The following KMT2E variants were observed in gnomAD, a reference collection of about 807,000 sequenced individuals.
KMT2E encodes the protein lysine methyltransferase 2E (inactive), also known as histone reader KMT2E.
A neutral mutation model predicts 184.6 loss-of-function variants in KMT2E; 30 were observed. The ratio of observed to expected loss-of-function variants is 0.16; its 90% CI spans 0.12 to 0.22. KMT2E has a LOEUF of 0.22. Ranked by LOEUF, KMT2E falls within the 10% of genes least tolerant of loss-of-function variation. The pLI is 1.00. For missense variants in KMT2E, 2,023 were observed against 2,237.4 expected, an observed-to-expected ratio of 0.90 and a Z score of 1.93; for synonymous variants, 815 against 776.5, an observed-to-expected ratio of 1.05 and a Z score of -0.82.
At position 105,112,497 on chromosome 7, in the gene KMT2E, G is replaced by C; in HGVS notation, c.4741G>C (p.Val1581Leu). ...QLKGSLSQQT[V>L]FTSGPNQALP... ...CAAAGGTAGTCTTTCTCAACAAACT[G>C]TGTTTACATCAGGACCAAATCAAGC... Residue 1581 changes from valine (V) to leucine (L), a missense_variant, in exon 27 of 27, where the codon GTG (valine) becomes CTG (leucine). Around this residue, in one of 8 missense-constraint regions of KMT2E, gnomAD observed 1,108 missense variants for 1,050.9 expected, o/e 1.05. Transcript: ENST00000311117. 6.2e-7 allele frequency: 1 copy of C among 1,614,000 alleles called. No homozygotes were observed. Among genetic ancestry groups the C allele is most frequent in the Non-Finnish European group, 8.5e-7 (1 of 1,180,016 alleles).
intron 15 of KMT2E, among the ~76,000 whole-genome samples, chr7:105,091,821 A>G (rs1222702885): frequency 6.6e-6 from 1 of 152,096 alleles, no homozygotes; most frequent in Admixed American, 6.5e-5. Flanking sequence ...TATTCCTTGT[A>G]CTATTTACAA....
chr7:105,027,733 G>A (rs1273150141), intron 1 of KMT2E, among the ~76,000 whole-genome samples: 4 of 151,956 alleles, frequency 2.6e-5, no homozygotes, highest in Admixed American at 6.6e-5. Flanking sequence ...TTGGGATATC[G>A]TAAGTCTTGG....
At chr7:105,052,158 G>A (rs75176850) in intron 3 of KMT2E, among the ~76,000 whole-genome samples, 12 of 151,986 alleles carry the variant, frequency 7.9e-5, no homozygotes, top group Admixed American at 2.6e-4. Flanking sequence ...CCCTAATCTC[G>A]TCTCACTATT....
chr7:105,025,994 A>G (rs1795161851), intron 1 of KMT2E, among the ~76,000 whole-genome samples: 1 of 152,204 alleles, frequency 6.6e-6, no homozygotes, highest in South Asian at 2.1e-4. Context: ...TTATGTAGGA[A>G]CAAGAAACCA....
rs1257282735 is a variant in KMT2E, at chr7:105,114,925, TTGTC to T, written c.*1595_*1598del. 6.6e-6 allele frequency among the ~76,000 whole-genome samples: 1 copy of T among 152,218 alleles called. No homozygotes were observed. Among genetic ancestry groups the T allele is most frequent in the Non-Finnish European group, 1.5e-5 (1 of 68,028 alleles). ...TTTATGGTATTTAGTAAAGAAACATTTGTCTGAGAAGAAATGGTTTTACATCATC... is the reference window on the plus strand; with the variant it reads ...TTTATGGTATTTAGTAAAGAAACATTTGAGAAGAAATGGTTTTACATCATC... On this transcript the variant is annotated 3_prime_UTR_variant, in exon 27 of 27. Transcript: ENST00000311117.
intron 26 of KMT2E, 30 bp from the exon 27 acceptor site, chr7:105,111,795 G>T: frequency 6.4e-7 from 1 of 1,572,280 alleles, no homozygotes; most frequent in South Asian, 1.2e-5. Context: ...AATGTTCCTT[G>T]AATGTATATA....
rs1797067315 is a variant in KMT2E at position 105,067,192 on chromosome 7, CTA to C, written c.497+386_497+387del. Among the ~76,000 whole-genome samples, 4 of 151,332 alleles carry C rather than the reference CTA, an allele frequency of 2.6e-5. No homozygotes were observed. The South Asian group carries it at 8.3e-4, about 31-fold the overall frequency. On this transcript the variant is annotated intron_variant, in intron 6 of 26. Transcript: ENST00000311117. ...CTATTATTTTTGTATTCTGACAACTCTAAAATCAGGAAAATATCTATCAATAG... is the reference window on the plus strand; with the variant it reads ...CTATTATTTTTGTATTCTGACAACTCAAATCAGGAAAATATCTATCAATAG...
At chr7:105,072,901 C>T (rs931374611) in intron 6 of KMT2E, among the ~76,000 whole-genome samples, 7 of 150,574 alleles carry the variant, frequency 4.6e-5, no homozygotes, top group Admixed American at 2.6e-4. Context: ...GCAATAAGAG[C>T]GAAACTCCAT....
chr7:105,014,787 T>A (rs1370259865), intron 1 of KMT2E, among the ~76,000 whole-genome samples: 1 of 151,916 alleles, frequency 6.6e-6, no homozygotes, highest in Non-Finnish European at 1.5e-5. Flanking sequence ...TAAACCCCCT[T>A]GAGAGTGGGG....
At chr7:105,109,912 C>T (rs888903450) in intron 23 of KMT2E, among the ~76,000 whole-genome samples, 1 of 149,396 alleles carries the variant, frequency 6.7e-6, no homozygotes, top group East Asian at 1.9e-4. Context: ...GGCGCAATCT[C>T]GGCTCACTGC....
chr7:105,026,946 T>G (rs571938730), intron 1 of KMT2E, among the ~76,000 whole-genome samples: 1 of 152,338 alleles, frequency 6.6e-6, no homozygotes, highest in Non-Finnish European at 1.5e-5. Context: ...GCAATTCTAG[T>G]TCAATCCCCA....
intron 3 of KMT2E, among the ~76,000 whole-genome samples, chr7:105,058,990 C>T (rs1208798287): frequency 1.3e-5 from 2 of 152,122 alleles, no homozygotes; most frequent in African/African-American, 2.4e-5. Flanking sequence ...TCTTCACTCT[C>T]TAACTGAAGA....
chr7:105,052,680 T>C (rs760840510), intron 3 of KMT2E, among the ~76,000 whole-genome samples: 5 of 152,166 alleles, frequency 3.3e-5, no homozygotes, highest in South Asian at 2.1e-4. Context: ...TGCCTCAGCC[T>C]CCCAAGTAAA....
rs1334974990 is a variant in KMT2E at position 105,066,781 on chromosome 7, A to G, written c.471A>G (p.Thr157=). ...TTGATAGGCAGCATATTCCTGATAC[A>G]TATCTATGTGAACGTTGTCAGCCTA... ...MGIDRQHIPD[T]YLCERCQPRN... Residue 157 remains threonine (T), a synonymous_variant, in exon 6 of 27, where the codon ACA becomes ACG. Coordinates refer to ENST00000311117, the MANE Select transcript of KMT2E (RefSeq NM_182931.3). 6 of 1,612,516 alleles carry G rather than the reference A, an allele frequency of 3.7e-6. No individual in the cohort carries two copies. The African/African-American group carries it at 5.3e-5, about 14-fold the overall frequency.
At chr7:105,045,115 C>T (rs930972700) in intron 3 of KMT2E, among the ~76,000 whole-genome samples, 1 of 152,126 alleles carries the variant, frequency 6.6e-6, no homozygotes, top group African/African-American at 2.4e-5. Context: ...TTATGGTGTT[C>T]TTCCTTTTAT....
chr7:105,035,172 C>T (rs1334213430), intron 1 of KMT2E, among the ~76,000 whole-genome samples: 3 of 151,506 alleles, frequency 2.0e-5, no homozygotes, highest in African/African-American at 7.3e-5. Flanking sequence ...CTACAGGCGC[C>T]CACCACCAAG....
At chr7:105,087,955 T>G (rs1275233077) in intron 13 of KMT2E, among the ~76,000 whole-genome samples, 1 of 152,132 alleles carries the variant, frequency 6.6e-6, no homozygotes, top group Non-Finnish European at 1.5e-5. Flanking sequence ...AATGAAGTTT[T>G]TAAAATGTTC....
At chr7:105,101,838 T>C (rs1391355039) in intron 16 of KMT2E, 48 bp from the exon 17 acceptor site, 3 of 1,382,378 alleles carry the variant, frequency 2.2e-6, no homozygotes, top group African/African-American at 1.5e-5. Flanking sequence ...ATTTAAACTT[T>C]ATATATATGT....
At chr7:105,086,974 C>T (rs1174533291) in intron 13 of KMT2E, among the ~76,000 whole-genome samples, 3 of 144,986 alleles carry the variant, frequency 2.1e-5, no homozygotes, top group African/African-American at 7.6e-5. Context: ...AGCATATATA[C>T]TATATATTAT....
Sources: allele counts gnomAD v4.1 joint callset (sites outside exome capture counted in the v4.1 genomes callset), GRCh38; gene constraint gnomAD v4.1.1; regional missense constraint gnomAD v4.1.1; transcripts MANE v1.5; gene names NCBI Gene and HGNC (gene_info 2026-07-23, HGNC 2026-07-21).